SMG9: variants seen among roughly 807,000 people sequenced by gnomAD.
SMG9 encodes the protein nonsense-mediated mRNA decay factor SMG9.
In SMG9, 55 loss-of-function variants were observed where a neutral mutation model predicts 64.0. The observed-to-expected ratio is 0.86, with a 90% CI of 0.69 to 1.08. The LOEUF is 1.08. Among genes scored for constraint, SMG9 ranks in the 50% least tolerant of loss-of-function variants. The probability of loss-of-function intolerance (pLI) is 0.00; values close to 1 mark genes in which losing one functional copy is unlikely to be tolerated. For missense variants in SMG9, 554 were observed against 681.3 expected (o/e 0.81, Z 2.08); for synonymous variants, 244 against 254.8 (o/e 0.96, Z 0.41).
chr19:43,747,538 A>G lies in SMG9; in HGVS notation c.492T>C (p.Pro164=), dbSNP rs1969054336. 1.2e-6 allele frequency: 2 copies of G among 1,614,072 alleles called. No homozygotes were observed. The highest frequency in any genetic ancestry group is 1.3e-5 in the African/African-American group (1 of 74,948). Residue 164 remains proline (P), a splice_region_variant and synonymous_variant, in exon 5 of 14, where the codon CCT becomes CCC. Coordinates refer to ENST00000270066, the MANE Select transcript of SMG9 (RefSeq NM_019108.4). ...GCAGTAGTTTGGCCTGACCCACGAC[A>G]GCTGGAGATTGGAGAAAGCAGGAGA... The part of the protein sequence containing the change: ...MGTAAPAAMD[P]VVGQAKLLPP...
chr19:43,742,744 T>C (rs992402286), intron 6 of SMG9, among the ~76,000 whole-genome samples: 1 of 152,044 alleles, frequency 6.6e-6, no homozygotes, highest in African/African-American at 2.4e-5. Flanking sequence ...AATAATGGCT[T>C]GGACTAAGGA....
chr19:43,746,781 CA>C (rs1367207624), intron 5 of SMG9, among the ~76,000 whole-genome samples: 1 of 149,984 alleles, frequency 6.7e-6, no homozygotes, highest in East Asian at 2.0e-4. Flanking sequence ...GAGTGACATT[CA>C]AAACAGTTGA....
At chr19:43,742,041 G>A (rs926062621) in intron 6 of SMG9, among the ~76,000 whole-genome samples, 1 of 152,048 alleles carries the variant, frequency 6.6e-6, no homozygotes, top group Non-Finnish European at 1.5e-5. Context: ...CCAGCTACTC[G>A]GGAGGCTGAG....
At chr19:43,740,080 TG>T in intron 7 of SMG9, 26 bp downstream of exon 7, 1 of 1,455,180 alleles carries the variant, frequency 6.9e-7, no homozygotes, top group Non-Finnish European at 9.6e-7. Flanking sequence ...TGTGGCAGGG[TG>T]GGGCAAAGGC....
At position 43,750,755 on chromosome 19, in the gene SMG9, G is replaced by A; in HGVS notation, c.-6-8C>T. 1 of 1,598,914 alleles carries A rather than the reference G, an allele frequency of 6.3e-7. No homozygotes were observed. The highest frequency in any genetic ancestry group is 8.5e-7 in the Non-Finnish European group (1 of 1,171,098). The stretch of plus-strand genomic sequence containing the variant: ...AGACTCAGACATGGTTACCTATGGA[G>A]GGAATGAGGGGATTTCAGGATGACA... On this transcript the variant is annotated splice_polypyrimidine_tract_variant and splice_region_variant and intron_variant, in intron 1 of 13. Coordinates refer to ENST00000270066, the MANE Select transcript of SMG9 (RefSeq NM_019108.4).
At chr19:43,744,251 G>A (rs1442923081) in intron 6 of SMG9, among the ~76,000 whole-genome samples, 2 of 152,144 alleles carry the variant, frequency 1.3e-5, no homozygotes, top group Non-Finnish European at 2.9e-5. Flanking sequence ...GACTGAGGCT[G>A]GTACAGAAAC....
At chr19:43,754,080 A>G (rs1303875644) in intron 1 of SMG9, among the ~76,000 whole-genome samples, 1 of 152,136 alleles carries the variant, frequency 6.6e-6, no homozygotes. Context: ...TCGAATTTAC[A>G]TATTTTTGGG....
chr19:43,744,838 A>G lies in SMG9; in HGVS notation c.635T>C (p.Leu212Pro). Residue 212 changes from leucine (L) to proline (P), a missense_variant, in exon 6 of 14, where the codon CTC (leucine) becomes CCC (proline). Coordinates refer to ENST00000270066, the MANE Select transcript of SMG9 (RefSeq NM_019108.4). The stretch of plus-strand genomic sequence containing the variant: ...GACCATGGACTTGCCTGTCCCCTGG[A>G]GGCCCAGGACACCAACCACCAACAC... ...TDVLVVGVLG[L>P]QGTGKSMVMS... 5 of 1,613,890 alleles carry G rather than the reference A, an allele frequency of 3.1e-6. No individual in the cohort carries two copies. The highest frequency in any genetic ancestry group is 4.2e-6 in the Non-Finnish European group (5 of 1,179,924).
chr19:43,753,614 C>T (rs1181569226), intron 1 of SMG9, among the ~76,000 whole-genome samples: 1 of 151,918 alleles, frequency 6.6e-6, no homozygotes, highest in African/African-American at 2.4e-5. Context: ...GTGCATACCA[C>T]CAGGCCGGGC....
intron 1 of SMG9, among the ~76,000 whole-genome samples, chr19:43,751,939 G>A (rs1195382862): frequency 1.3e-5 from 2 of 152,192 alleles, no homozygotes; most frequent in East Asian, 3.8e-4. Flanking sequence ...ACTCACAGGG[G>A]CAAGTTCACA....
At chr19:43,735,111 T>C (rs141062807) in intron 9 of SMG9, among the ~76,000 whole-genome samples, 2,518 of 152,326 alleles carry the variant, frequency 0.017, 38 homozygotes, top group Non-Finnish European at 0.025. Flanking sequence ...GTCTGTATAG[T>C]TGGAATTACA....
At chr19:43,752,990 A>T (rs1035877228) in intron 1 of SMG9, among the ~76,000 whole-genome samples, 2 of 151,622 alleles carry the variant, frequency 1.3e-5, no homozygotes, top group African/African-American at 4.9e-5. Context: ...TCCCTCCATG[A>T]ATCCTCCCCT....
chr19:43,753,762 C>G (rs1379832283), intron 1 of SMG9, among the ~76,000 whole-genome samples: 3 of 151,980 alleles, frequency 2.0e-5, no homozygotes, highest in Non-Finnish European at 2.9e-5. Flanking sequence ...CACCTGGCCT[C>G]CCTGTGCCCT....
Position 43,737,674 on chromosome 19 carries a change from C to T in SMG9, c.918G>A (p.Gln306=). Residue 306 remains glutamine (Q), a synonymous_variant, in exon 9 of 14, where the codon CAG becomes CAA. Coordinates refer to ENST00000270066, the MANE Select transcript of SMG9 (RefSeq NM_019108.4). Reference sequence around the variant, plus strand: ...AGACCGTGAAAAGGAAGGCAGCAATCTGGAGTGACTGAGGGTGGGCAGGAT... The same window carrying T: ...AGACCGTGAAAAGGAAGGCAGCAATTTGGAGTGACTGAGGGTGGGCAGGAT... ...PHTYVEMQSL[Q]IAAFLFTVCH... 3 of 1,613,912 alleles carry T rather than the reference C, an allele frequency of 1.9e-6. No individual in the cohort carries two copies. The highest frequency in any genetic ancestry group is 1.7e-6 in the Non-Finnish European group (2 of 1,179,910).
At chr19:43,738,101 G>A (rs374889952) in intron 8 of SMG9, 21 bp downstream of exon 8, 1 of 1,608,730 alleles carries the variant, frequency 6.2e-7, no homozygotes, top group East Asian at 2.2e-5. Flanking sequence ...CTCAGTCCTG[G>A]GCCTGGCTTG....
At chr19:43,732,798 C>G (rs964590771) in intron 13 of SMG9, 60 bp downstream of exon 13, 1 of 1,601,664 alleles carries the variant, frequency 6.2e-7, no homozygotes, top group Admixed American at 1.7e-5. Flanking sequence ...AGGGACGCCC[C>G]CTTCTCTCTA....
At position 43,739,977 on chromosome 19, in the gene SMG9, G is replaced by A. The variant is rs1432804436; in HGVS notation, c.813+130C>T. The A allele has an allele frequency of 4.2e-6, 3 of 712,728 alleles. No homozygotes were observed. In the African/African-American group the frequency reaches 5.3e-5, roughly 13 times the overall value. 44.2% of individuals were successfully genotyped at this position (712,728 alleles called of 1,614,324 possible). ...CAAGAAAAGACACAATTTGCCCCAG[G>A]GCAGCCAGTATGTCCATGGCTTGAC... is the stretch of plus-strand genomic sequence containing the variant. On this transcript the variant is annotated intron_variant, in intron 7 of 13. Transcript: ENST00000270066.
intron 6 of SMG9, among the ~76,000 whole-genome samples, chr19:43,740,867 C>A (rs533116065): frequency 3.3e-5 from 5 of 152,198 alleles, no homozygotes; most frequent in African/African-American, 1.2e-4. Context: ...AGAGCAGGGC[C>A]GTGCCCTAAA....
chr19:43,734,337 G>A (rs947020066), intron 10 of SMG9, 52 bp downstream of exon 10: 5 of 1,416,086 alleles, frequency 3.5e-6, no homozygotes, highest in African/African-American at 2.8e-5. Flanking sequence ...CTGACTTTCA[G>A]CCCCTCATTT....
Sources: allele counts gnomAD v4.1 joint callset (sites outside exome capture counted in the v4.1 genomes callset), GRCh38; gene constraint gnomAD v4.1.1; transcripts MANE v1.5; gene names NCBI Gene and HGNC (gene_info 2026-07-23, HGNC 2026-07-21).